MYCBP2: variants seen among roughly 807,000 people sequenced by gnomAD.
MYCBP2 encodes E3 ubiquitin-protein ligase MYCBP2.
In MYCBP2, 120 loss-of-function variants were observed where a neutral mutation model predicts 525.3. The ratio of observed to expected loss-of-function variants is 0.23; its 90% CI spans 0.20 to 0.27. The LOEUF is 0.27. MYCBP2 is among the 10% of genes least tolerant of loss of function. MYCBP2 has a pLI of 1.00. For synonymous variants in MYCBP2, 1,894 were observed against 1,955.8 expected (o/e 0.97, Z 0.83); for missense variants, 4,149 against 5,657.1 (o/e 0.73, Z 8.55).
chr13:77,284,170 G>A (rs2154355228), intron 3 of MYCBP2, among the ~76,000 whole-genome samples: 1 of 151,692 alleles, frequency 6.6e-6, no homozygotes, highest in East Asian at 1.9e-4. Context: ...CTCAAGAATG[G>A]GAAAAATAAA....
At chr13:77,294,842 T>TC (rs2078004219) in intron 2 of MYCBP2, among the ~76,000 whole-genome samples, 1 of 152,180 alleles carries the variant, frequency 6.6e-6, no homozygotes, top group African/African-American at 2.4e-5. Context: ...TAACTATTCC[T>TC]CCCTCATTTC....
At chr13:77,266,746 G>GAAAAAAAAAAAAAAAAAAA (rs56408804) in intron 8 of MYCBP2, among the ~76,000 whole-genome samples, 5 of 89,416 alleles carry the variant, frequency 5.6e-5, no homozygotes, top group African/African-American at 2.2e-4. Flanking sequence ...GACTTGTAAT[G>GAAAAAAAAAAAAAAAAAAA]AAAAAAAAAA....
chr13:77,250,719 T>C (rs2154328590), intron 15 of MYCBP2, among the ~76,000 whole-genome samples: 1 of 152,326 alleles, frequency 6.6e-6, no homozygotes, highest in Middle Eastern at 3.4e-3. Flanking sequence ...AATTTATAAA[T>C]GGTACATTTA....
intron 15 of MYCBP2, among the ~76,000 whole-genome samples, chr13:77,247,645 TC>T (rs1197065757): frequency 1.3e-5 from 2 of 152,154 alleles, no homozygotes; most frequent in Non-Finnish European, 2.9e-5. Context: ...AACAAAGTAC[TC>T]GGTTTTGACT....
In MYCBP2 at chr13:77,126,475, A is replaced by T. The variant is rs2051693046; in HGVS notation, c.7727T>A (p.Met2576Lys). Residue 2576 changes from methionine to lysine, a missense_variant, in exon 53 of 83, where the codon ATG becomes AAG. By Grantham distance (95) the Met-to-Lys change is moderately conservative. Around this residue, in one of 21 missense-constraint regions of MYCBP2, gnomAD observed 692 missense variants for 852.7 expected, o/e 0.81. Transcript: ENST00000544440. ...CAAGAATGGCATATCTTGTTCTTGC[A>T]TTGTTGCTTCCTGTGGGCAGCAGGA... ...INSCCPQEAT[M>K]QEQDMPFLRG... 8.7e-6 allele frequency: 14 copies of T among 1,613,858 alleles called. No homozygotes were observed. Among genetic ancestry groups the T allele is most frequent in the Non-Finnish European group, 1.1e-5 (13 of 1,179,870 alleles).
chr13:77,186,686 C>T (rs1040044375), intron 30 of MYCBP2, among the ~76,000 whole-genome samples: 2 of 151,856 alleles, frequency 1.3e-5, no homozygotes, highest in African/African-American at 4.8e-5. Flanking sequence ...CAGTTCTAGT[C>T]TTCTGGTTTT....
At position 77,174,371 on chromosome 13, in the gene MYCBP2, C is replaced by A; in HGVS notation, c.5591G>T (p.Ser1864Ile). 6.2e-7 allele frequency: 1 copy of A among 1,614,162 alleles called. No individual in the cohort carries two copies. ...TTGGTTTGTGCCGTTACTGCTCAAGCTGCACGTGCTGAATGTGAATGTCAC... is the reference window on the plus strand; with the variant it reads ...TTGGTTTGTGCCGTTACTGCTCAAGATGCACGTGCTGAATGTGAATGTCAC... Reference protein sequence around the residue: ...DGVTFTFSTCSLSSNGTNQTR... With the variant: ...DGVTFTFSTCILSSNGTNQTR... Residue 1864 changes from serine to isoleucine, a missense_variant, in exon 37 of 83, where the codon AGC becomes ATC. By Grantham distance (142) the Ser-to-Ile change is moderately radical. This residue lies in a region of MYCBP2 where 109 missense variants were observed against 118.9 expected (regional missense o/e 0.92). Coordinates refer to ENST00000544440, the MANE Select transcript of MYCBP2 (RefSeq NM_015057.5).
intron 55 of MYCBP2, among the ~76,000 whole-genome samples, chr13:77,116,194 G>A (rs1225575290): frequency 6.6e-6 from 1 of 151,956 alleles, no homozygotes; most frequent in Non-Finnish European, 1.5e-5. Flanking sequence ...GCGACTATCA[G>A]TATAAACAAA....
chr13:77,125,575 C>A, intron 53 of MYCBP2, 107 bp from the exon 54 acceptor site: 2 of 1,192,364 alleles, frequency 1.7e-6, no homozygotes, highest in Non-Finnish European at 2.3e-6. Context: ...CATTCCAATA[C>A]ATTTCTACTA....
At chr13:77,187,941 GGCGCCTGTAATCCCA>G (rs2060892393) in intron 30 of MYCBP2, among the ~76,000 whole-genome samples, 1 of 151,856 alleles carries the variant, frequency 6.6e-6, no homozygotes, top group African/African-American at 2.4e-5. Context: ...CGTGGTGGCA[GGCGCCTGTAATCCCA>G]GCTACTCAGG....
chr13:77,175,955 TA>T (rs1411966240), intron 36 of MYCBP2, among the ~76,000 whole-genome samples: 3 of 140,262 alleles, frequency 2.1e-5, no homozygotes, highest in South Asian at 2.2e-4. Flanking sequence ...AGACTCCATC[TA>T]AAAAAAAATA....
At chr13:77,154,660 A>C (rs1411646127) in intron 46 of MYCBP2, among the ~76,000 whole-genome samples, 1 of 152,122 alleles carries the variant, frequency 6.6e-6, no homozygotes, top group Non-Finnish European at 1.5e-5. Flanking sequence ...GAGGGTTCAA[A>C]GATTGGATTT....
At position 77,150,836 on chromosome 13, in the gene MYCBP2, A is replaced by G; in HGVS notation, c.7029T>C (p.Asn2343=). 6.2e-7 allele frequency: 1 copy of G among 1,614,150 alleles called. No individual in the cohort carries two copies. Among genetic ancestry groups the G allele is most frequent in the Non-Finnish European group, 8.5e-7 (1 of 1,180,002 alleles). ...CCAGCCCTCCATAAGTCATGTCAGT[A>G]TTAGAAGATGCAGCTGTTACTGCAG... ...GSPAVTAASS[N]TDMTYGGLAS... The change falls in exon 47 of 83, where the codon AAT becomes AAC. Residue 2343 remains asparagine (N), a synonymous_variant. Transcript: ENST00000544440.
At chr13:77,082,584 T>C (rs1433290876) in intron 63 of MYCBP2, among the ~76,000 whole-genome samples, 1 of 152,178 alleles carries the variant, frequency 6.6e-6, no homozygotes. Context: ...ACATTTCAAA[T>C]TGAAATTGGA....
At chr13:77,232,330 G>C (rs2067246403) in intron 18 of MYCBP2, among the ~76,000 whole-genome samples, 1 of 152,098 alleles carries the variant, frequency 6.6e-6, no homozygotes. Flanking sequence ...TAAGAAAATG[G>C]GAGTTTTAAG....
At chr13:77,130,897 A>C (rs1304411185) in intron 52 of MYCBP2, among the ~76,000 whole-genome samples, 1 of 152,208 alleles carries the variant, frequency 6.6e-6, no homozygotes, top group Non-Finnish European at 1.5e-5. Context: ...CAATGTGATG[A>C]CTGGTTGACA....
intron 55 of MYCBP2, among the ~76,000 whole-genome samples, chr13:77,107,725 G>GAAT (rs2048064339): frequency 1.3e-5 from 2 of 151,892 alleles, no homozygotes; most frequent in Non-Finnish European, 2.9e-5. Context: ...GCGACAGAGT[G>GAAT]AAATTGTCTC....
At chr13:77,285,410 A>G (rs1478796652) in intron 3 of MYCBP2, among the ~76,000 whole-genome samples, 2 of 152,244 alleles carry the variant, frequency 1.3e-5, no homozygotes, top group Non-Finnish European at 2.9e-5. Flanking sequence ...CTAGTTAAGC[A>G]TAAGAAATTA....
intron 55 of MYCBP2, among the ~76,000 whole-genome samples, chr13:77,113,880 TA>T (rs1184635136): frequency 1.3e-5 from 2 of 152,166 alleles, no homozygotes; most frequent in African/African-American, 4.8e-5. Context: ...ACAGATGTTA[TA>T]AAGTCAAGTG....
Sources: allele counts gnomAD v4.1 joint callset (sites outside exome capture counted in the v4.1 genomes callset), GRCh38; gene constraint gnomAD v4.1.1; regional missense constraint gnomAD v4.1.1; transcripts MANE v1.5; gene names NCBI Gene and HGNC (gene_info 2026-07-23, HGNC 2026-07-21).